The following ACACA variants were observed in gnomAD, a reference collection of about 807,000 sequenced individuals.
ACACA encodes the protein acetyl-CoA carboxylase 1.
Under a neutral mutation model 296.1 loss-of-function variants are expected in ACACA, and 103 were observed. The ratio of observed to expected loss-of-function variants is 0.35; its 90% CI spans 0.30 to 0.41. The LOEUF (loss-of-function observed/expected upper bound fraction) is 0.41, where lower values mean the gene tolerates loss of function less well. ACACA is among the 10% of genes least tolerant of loss of function. ACACA has a pLI of 1.00. For missense variants in ACACA, 1,554 were observed against 2,989.7 expected, an observed-to-expected ratio of 0.52 and a Z score of 11.20; for synonymous variants, 953 against 1,038.6, an observed-to-expected ratio of 0.92 and a Z score of 1.58.
At chr17:37,376,041 C>T in intron 1 of ACACA, 1 of 1,494,140 alleles carries the variant, frequency 6.7e-7, no homozygotes, top group Non-Finnish European at 9.3e-7. Flanking sequence ...CTATCAAGGG[C>T]TGTGACAGAT....
At chr17:37,367,401 G>A (rs941320328) in intron 1 of ACACA, among the ~76,000 whole-genome samples, 2 of 152,114 alleles carry the variant, frequency 1.3e-5, no homozygotes, top group Non-Finnish European at 2.9e-5. Flanking sequence ...TCAGTCTCAA[G>A]AGCGGCAGCA....
chr17:37,279,416 C>T (rs1001385951), intron 5 of ACACA, among the ~76,000 whole-genome samples: 1 of 152,048 alleles, frequency 6.6e-6, no homozygotes, highest in East Asian at 1.9e-4. Flanking sequence ...GGGCGGATCA[C>T]GAGGTCAGGA....
Position 37,205,858 on chromosome 17 carries a change from T to C in ACACA, c.3963A>G (p.Glu1321=), listed in dbSNP as rs2078474414. The C allele has an allele frequency of 6.2e-7, 1 of 1,612,826 alleles. No individual in the cohort carries two copies. The highest frequency in any genetic ancestry group is 8.5e-7 in the Non-Finnish European group (1 of 1,179,788). ...LYDEDKVPRD[E]PIHILNVAIK... ...TAGCCACATTGAGAATGTGAATTGG[T>C]TCATCCCTGGGAACCTGTAACTCAA... Residue 1321 remains glutamate, a synonymous_variant, in exon 33 of 56, where the codon GAA becomes GAG. Transcript: ENST00000616317.
intron 1 of ACACA, among the ~76,000 whole-genome samples, chr17:37,399,327 G>GCTT (rs1253713575): frequency 2.0e-4 from 31 of 152,214 alleles, no homozygotes; most frequent in Non-Finnish European, 3.7e-4. Flanking sequence ...TTCAAATTCA[G>GCTT]GAAAGTTTCA....
chr17:37,123,945 C>T (rs2074649520), intron 48 of ACACA, among the ~76,000 whole-genome samples: 1 of 152,174 alleles, frequency 6.6e-6, no homozygotes, highest in Admixed American at 6.5e-5. Context: ...CTTCTGTTTT[C>T]TATTATACTT....
intron 1 of ACACA, among the ~76,000 whole-genome samples, chr17:37,344,879 A>G (rs1336097629): frequency 2.0e-5 from 3 of 152,226 alleles, no homozygotes; most frequent in Non-Finnish European, 4.4e-5. Context: ...CAACTAGTGA[A>G]GTCAGGTGCC....
Position 37,244,722 on chromosome 17 carries a change from T to A in ACACA, c.2608A>T (p.Thr870Ser). ...CTCTGGATCCGTGGCAGACTACCTG[T>A]GTGAAGTTCAGCCTGTCAACCCCAA... ...PSKVQQAELH[T>S]GSLPRIQSTA... Residue 870 changes from threonine to serine, a missense_variant, in exon 21 of 56, where the codon ACA (threonine) becomes TCA (serine). Physicochemically the swap from Thr to Ser is moderately conservative, Grantham distance 58. Around this residue, in one of 16 missense-constraint regions of ACACA, gnomAD observed 316 missense variants for 540.9 expected, o/e 0.58. Coordinates refer to ENST00000616317, the MANE Select transcript of ACACA (RefSeq NM_198834.3). The A allele has an allele frequency of 1.9e-6, 3 of 1,614,184 alleles. No homozygotes were observed. Among genetic ancestry groups the A allele is most frequent in the Non-Finnish European group, 2.5e-6 (3 of 1,180,040 alleles).
chr17:37,386,478 G>A (rs924667985), intron 1 of ACACA, among the ~76,000 whole-genome samples: 1 of 152,066 alleles, frequency 6.6e-6, no homozygotes, highest in African/African-American at 2.4e-5. Context: ...TGTAACCCCA[G>A]CTACTTGAGA....
rs572643290 is a variant in ACACA, at chr17:37,195,823, G to A, written c.4159-2408C>T. Among the ~76,000 whole-genome samples the A allele has an allele frequency of 2.6e-4, 39 of 152,184 alleles. No individual in the cohort carries two copies. In the South Asian group the frequency reaches 8.1e-3, roughly 32 times the overall value. On this transcript the variant is annotated intron_variant, in intron 35 of 55. Coordinates refer to ENST00000616317, the MANE Select transcript of ACACA (RefSeq NM_198834.3). ...CATACTGCCAGTTTTTCCACTGAAAGCATTCATGCTTATTCCATCATCAAT... is the reference window on the plus strand; with the variant it reads ...CATACTGCCAGTTTTTCCACTGAAAACATTCATGCTTATTCCATCATCAAT...
intron 41 of ACACA, among the ~76,000 whole-genome samples, chr17:37,168,942 T>C (rs923108106): frequency 2.3e-4 from 35 of 152,232 alleles, no homozygotes; most frequent in Non-Finnish European, 4.1e-4. Context: ...TATTTAGGAC[T>C]GTACCACATG....
At position 37,121,308 on chromosome 17, in the gene ACACA, G is replaced by A. The variant is rs768090714; in HGVS notation, c.6274+47C>T. 13 of 1,613,012 alleles carry A rather than the reference G, an allele frequency of 8.1e-6. No homozygotes were observed. The Admixed American group carries it at 1.3e-4, about 17-fold the overall frequency. On this transcript the variant is annotated intron_variant, in intron 50 of 55. Coordinates refer to ENST00000616317, the MANE Select transcript of ACACA (RefSeq NM_198834.3). ...CTATACCCTCCCTCTGCCGCAGAGT[G>A]CCCAGTAATCAGTGATGCCCCTCCA...
At chr17:37,135,993 C>G (rs796214301) in intron 45 of ACACA, among the ~76,000 whole-genome samples, 1 of 150,532 alleles carries the variant, frequency 6.6e-6, no homozygotes, top group Non-Finnish European at 1.5e-5. Context: ...GCAATCCTCT[C>G]GCCTCAGTTT....
intron 52 of ACACA, among the ~76,000 whole-genome samples, chr17:37,105,390 T>A (rs964453923): frequency 9.9e-5 from 15 of 151,950 alleles, no homozygotes; most frequent in Admixed American, 3.3e-4. Context: ...GGCAGGAGAA[T>A]CGCTTGAACT....
intron 52 of ACACA, among the ~76,000 whole-genome samples, chr17:37,103,866 G>A (rs949810906): frequency 6.6e-6 from 1 of 151,888 alleles, no homozygotes; most frequent in African/African-American, 2.4e-5. Context: ...GCGAGACCCT[G>A]TCTTTCCTCC....
rs781475994 is a variant in ACACA at position 37,200,161 on chromosome 17, T to C, written c.4136A>G (p.Tyr1379Cys). Residue 1379 changes from tyrosine to cysteine, a missense_variant, in exon 35 of 56, where the codon TAT becomes TGT. Physicochemically the swap from Tyr to Cys is radical, Grantham distance 194. Transcript: ENST00000616317. ...AQKDFRKQVN[Y>C]EVDRRFHREF... Reference sequence around the variant, plus strand: ...TACATGAAATCTCCGATCCACCTCATAGTTGACCTGCTTTCTGAAATCCTT... The same window carrying C: ...TACATGAAATCTCCGATCCACCTCACAGTTGACCTGCTTTCTGAAATCCTT... 10 of 1,608,220 alleles carry C rather than the reference T, an allele frequency of 6.2e-6. No individual in the cohort carries two copies. Among genetic ancestry groups the C allele is most frequent in the Non-Finnish European group, 7.7e-6 (9 of 1,174,704 alleles).
intron 25 of ACACA, among the ~76,000 whole-genome samples, chr17:37,228,629 G>A (rs1179993214): frequency 6.6e-6 from 1 of 152,100 alleles, no homozygotes; most frequent in Non-Finnish European, 1.5e-5. Context: ...GATAACAGTA[G>A]GTAGGGAAAC....
At chr17:37,364,989 C>T (rs954673) in intron 1 of ACACA, among the ~76,000 whole-genome samples, 56,694 of 151,828 alleles carry the variant, frequency 0.37, 14,285 homozygotes, top group African/African-American at 0.71. Context: ...AATTTTTTTT[C>T]TGAGACAGAG....
chr17:37,205,579 C>A (rs2078460555), intron 33 of ACACA, among the ~76,000 whole-genome samples, 186 bp downstream of exon 33: 1 of 152,026 alleles, frequency 6.6e-6, no homozygotes, highest in Non-Finnish European at 1.5e-5. Flanking sequence ...TCTGTTGACA[C>A]ACAAAGATAT....
At chr17:37,159,013 A>T (rs1257116499) in intron 42 of ACACA, among the ~76,000 whole-genome samples, 1 of 151,982 alleles carries the variant, frequency 6.6e-6, no homozygotes, top group Non-Finnish European at 1.5e-5. Context: ...CCTTGTCTTT[A>T]TGAAAAATAA....
Sources: allele counts gnomAD v4.1 joint callset (sites outside exome capture counted in the v4.1 genomes callset), GRCh38; gene constraint gnomAD v4.1.1; regional missense constraint gnomAD v4.1.1; transcripts MANE v1.5; gene names NCBI Gene and HGNC (gene_info 2026-07-23, HGNC 2026-07-21).